Variants in SLC16A12 observed in about 807,000 individuals in gnomAD.
SLC16A12 encodes the protein monocarboxylate transporter 12.
A neutral mutation model predicts 42.4 loss-of-function variants in SLC16A12; 17 were observed. The ratio of observed to expected loss-of-function variants is 0.40; its 90% confidence interval spans 0.27 to 0.60. SLC16A12 has a LOEUF of 0.60. Ranked by LOEUF, SLC16A12 falls within the 20% of genes least tolerant of loss-of-function variation. SLC16A12 has a pLI of 0.42. For missense variants in SLC16A12, 544 were observed against 623.0 expected (o/e 0.87, Z 1.35); for synonymous variants, 224 against 229.4 (o/e 0.98, Z 0.21).
chr10:89,532,662 C>A (rs963113814), intron 2 of SLC16A12, among the ~76,000 whole-genome samples: 2 of 152,176 alleles, frequency 1.3e-5, no homozygotes, highest in African/African-American at 2.4e-5. Context: ...GAATACTTTT[C>A]TTTGGCTGTA....
chr10:89,481,262 T>A (rs1298030569), intron 2 of SLC16A12, among the ~76,000 whole-genome samples: 1 of 152,348 alleles, frequency 6.6e-6, no homozygotes, highest in Non-Finnish European at 1.5e-5. Flanking sequence ...TCCTGTATTT[T>A]CTGAATTTCC....
chr10:89,555,094 A>C (rs961704603), intron 2 of SLC16A12, among the ~76,000 whole-genome samples: 6 of 152,272 alleles, frequency 3.9e-5, no homozygotes, highest in African/African-American at 1.4e-4. Flanking sequence ...TGTAGAATGA[A>C]GTCTTCAGGA....
chr10:89,531,921 A>G (rs79867400), intron 2 of SLC16A12, among the ~76,000 whole-genome samples: 1,594 of 152,194 alleles, frequency 0.01, 29 homozygotes, highest in African/African-American at 0.036. Context: ...TTAATTCCCA[A>G]AGTACTTATG....
chr10:89,547,134 C>A (rs1843746281), intron 2 of SLC16A12, among the ~76,000 whole-genome samples: 1 of 152,104 alleles, frequency 6.6e-6, no homozygotes, highest in Non-Finnish European at 1.5e-5. Context: ...GTACGTTCTG[C>A]ACATGTATCC....
upstream of SLC16A12, among the ~76,000 whole-genome samples, chr10:89,537,561 C>T (rs1290754676): frequency 6.6e-6 from 1 of 152,130 alleles, no homozygotes; most frequent in Non-Finnish European, 1.5e-5. Flanking sequence ...TAAAAGAATT[C>T]ATTAGCATTG....
chr10:89,483,604 G>A (rs747259958), intron 2 of SLC16A12, among the ~76,000 whole-genome samples: 2 of 152,098 alleles, frequency 1.3e-5, no homozygotes, highest in Non-Finnish European at 2.9e-5. Context: ...GCACATGCCT[G>A]TAGTTCCACC....
intron 2 of SLC16A12, among the ~76,000 whole-genome samples, chr10:89,541,049 G>A (rs1843712313): frequency 6.6e-6 from 1 of 151,366 alleles, no homozygotes; most frequent in Admixed American, 6.6e-5. Flanking sequence ...AGCCTCCTGA[G>A]TAGCTGGGAC....
At chr10:89,442,391 CTTGACTGTGTGAACCATA>C (rs1176129253) in intron 4 of SLC16A12, among the ~76,000 whole-genome samples, 1 of 152,186 alleles carries the variant, frequency 6.6e-6, no homozygotes, top group African/African-American at 2.4e-5. Context: ...CTACTCAAAG[CTTGACTGTGTGAACCATA>C]TTGACTGTGT....
chr10:89,555,571 A>ACG (rs1337261173), intron 2 of SLC16A12, among the ~76,000 whole-genome samples: 14 of 135,336 alleles, frequency 1.0e-4, no homozygotes, highest in African/African-American at 4.5e-4. Flanking sequence ...ATATACGTAT[A>ACG]TGTATATGTA....
In SLC16A12 at chr10:89,529,471, C is replaced by T. The variant is rs192363425; in HGVS notation, c.-47+5030G>A. On this transcript the variant is annotated intron_variant, in intron 2 of 7. Coordinates refer to ENST00000371790, the MANE Select transcript of SLC16A12 (RefSeq NM_213606.4). ...ATATATGAACCACCGAGCCAGAAGA[C>T]GGTGTTAGGGGGAAACAGTTGCTGA... is the stretch of plus-strand genomic sequence containing the variant. 1.3e-3 allele frequency among the ~76,000 whole-genome samples: 201 copies of T among 151,280 alleles called. 1 individual carries two copies. The highest frequency in any genetic ancestry group is 4.6e-3 in the African/African-American group (189 of 41,138).
chr10:89,523,463 C>A (rs970454478), intron 2 of SLC16A12, among the ~76,000 whole-genome samples: 1 of 152,158 alleles, frequency 6.6e-6, no homozygotes, highest in African/African-American at 2.4e-5. Context: ...TCTTAATTGG[C>A]CAGTCTCTGT....
chr10:89,523,643 C>CTTCATTCA (rs71471130), intron 2 of SLC16A12, among the ~76,000 whole-genome samples: 1 of 151,822 alleles, frequency 6.6e-6, no homozygotes, highest in Non-Finnish European at 1.5e-5. Context: ...GTCATCATTC[C>CTTCATTCA]TTCATTCATT....
At chr10:89,493,720 G>T (rs1008160915) in intron 2 of SLC16A12, among the ~76,000 whole-genome samples, 3 of 152,094 alleles carry the variant, frequency 2.0e-5, no homozygotes, top group Admixed American at 1.3e-4. Context: ...TTTCCATATA[G>T]TTATACTACC....
chr10:89,435,939 T>C, intron 7 of SLC16A12, 121 bp downstream of exon 7: 2 of 1,424,670 alleles, frequency 1.4e-6, no homozygotes, highest in Non-Finnish European at 1.9e-6. Context: ...ATATCCCTTT[T>C]CTCTTTCACT....
intron 2 of SLC16A12, among the ~76,000 whole-genome samples, chr10:89,486,539 C>T (rs1842743192): frequency 7.2e-6 from 1 of 139,596 alleles, no homozygotes; most frequent in African/African-American, 2.7e-5. Flanking sequence ...TTACAATGAG[C>T]TATTATCAAG....
chr10:89,430,466 A>G lies in SLC16A12; in HGVS notation c.*2598T>C. 2.8e-6 allele frequency: 1 copy of G among 359,124 alleles called. No homozygotes were observed. 22.2% of individuals were successfully genotyped at this position (359,124 alleles called of 1,614,324 possible). A position where few individuals can be genotyped will look rare whatever the true frequency, so the allele number is the denominator to read the frequency against. On this transcript the variant is annotated 3_prime_UTR_variant, in exon 8 of 8. Coordinates refer to ENST00000371790, the MANE Select transcript of SLC16A12 (RefSeq NM_213606.4). ...TTCTACTCAGATAATTCCAAAGTAG[A>G]GCTTACAGTAGTAGAAAGAAATATT...
At chr10:89,484,066 C>G (rs1213043219) in intron 2 of SLC16A12, among the ~76,000 whole-genome samples, 1 of 152,152 alleles carries the variant, frequency 6.6e-6, no homozygotes, top group Non-Finnish European at 1.5e-5. Context: ...ACATGGGTGG[C>G]TCTCTTAAGG....
chr10:89,494,968 C>A (rs1842900809), intron 2 of SLC16A12, among the ~76,000 whole-genome samples: 1 of 152,094 alleles, frequency 6.6e-6, no homozygotes, highest in South Asian at 2.1e-4. Context: ...AGGCAGAGCA[C>A]CACACAAAAA....
chr10:89,528,553 C>A (rs1564600679), intron 2 of SLC16A12, among the ~76,000 whole-genome samples: 1 of 152,146 alleles, frequency 6.6e-6, no homozygotes, highest in Non-Finnish European at 1.5e-5. Context: ...ACTGAACATT[C>A]ATTCAACCAT....
Sources: allele counts gnomAD v4.1 joint callset (sites outside exome capture counted in the v4.1 genomes callset), GRCh38; gene constraint gnomAD v4.1.1; transcripts MANE v1.5; gene names NCBI Gene and HGNC (gene_info 2026-07-23, HGNC 2026-07-21).